BHMT2: variants seen among roughly 807,000 people sequenced by gnomAD.
BHMT2 encodes S-methylmethionine--homocysteine S-methyltransferase BHMT2.
In BHMT2, 28 loss-of-function variants were observed where a neutral mutation model predicts 39.0. That is an observed-to-expected ratio of 0.72 (90% CI 0.53 to 0.98). The LOEUF is 0.98. Ranked by LOEUF, BHMT2 falls within the 50% of genes least tolerant of loss-of-function variation. The pLI is 0.00. For synonymous variants in BHMT2, 145 were observed against 160.6 expected (o/e 0.90, Z 0.74); for missense variants, 410 against 455.6 (o/e 0.90, Z 0.91).
chr5:79,074,232 T>G (rs1755631034), intron 1 of BHMT2, among the ~76,000 whole-genome samples: 1 of 152,132 alleles, frequency 6.6e-6, no homozygotes, highest in Non-Finnish European at 1.5e-5. Flanking sequence ...TTAGTCAGAG[T>G]GGTTTGTACT....
In BHMT2 at chr5:79,074,248, A is replaced by C. The variant is rs114538339; in HGVS notation, c.34-3232A>C. On this transcript the variant is annotated intron_variant, in intron 1 of 7. Transcript: ENST00000255192. ...TAGTCAGAGTGGTTTGTACTTCTGC[A>C]GCTAAACTGAACATGGGGAGAAAGC... Among the ~76,000 whole-genome samples, 658 of 152,324 alleles carry C rather than the reference A, an allele frequency of 4.3e-3. 7 individuals carry two copies. Among genetic ancestry groups the C allele is most frequent in the African/African-American group, 0.015 (636 of 41,564 alleles).
At chr5:79,087,282 G>T (rs1755920080) in intron 7 of BHMT2, among the ~76,000 whole-genome samples, 1 of 151,764 alleles carries the variant, frequency 6.6e-6, no homozygotes, top group East Asian at 1.9e-4. Context: ...TTTCTTCTAG[G>T]AGATATGGAT....
In BHMT2 at chr5:79,073,055, C is replaced by T. The variant is rs1755610897; in HGVS notation, c.33+3240C>T. On this transcript the variant is annotated intron_variant, in intron 1 of 7. Transcript: ENST00000255192. Reference sequence around the variant, plus strand: ...CTCAACTCACTGTAACTTCCAACTCCCAGGTTCAAGCTATTCTCCTGCCTC... The same window carrying T: ...CTCAACTCACTGTAACTTCCAACTCTCAGGTTCAAGCTATTCTCCTGCCTC... Among the ~76,000 whole-genome samples the T allele has an allele frequency of 2.0e-5, 3 of 150,452 alleles. No homozygotes were observed. In the South Asian group the frequency reaches 6.3e-4, roughly 32 times the overall value.
At chr5:79,079,165 C>A (rs970117270) in intron 2 of BHMT2, among the ~76,000 whole-genome samples, 1 of 152,198 alleles carries the variant, frequency 6.6e-6, no homozygotes, top group Non-Finnish European at 1.5e-5. Context: ...ATCACCAGAA[C>A]AATACAAGGC....
chr5:79,088,726 A>G lies in BHMT2; in HGVS notation c.*152A>G, dbSNP rs1398003235. On this transcript the variant is annotated 3_prime_UTR_variant, in exon 8 of 8. Transcript: ENST00000255192. ...GCTGCAGCCCCTTCCCTTCCAGCCC[A>G]CAAGTGTGTGCATATTGAGCTCCTG... The G allele has an allele frequency of 1.6e-6, 1 of 607,408 alleles. No individual in the cohort carries two copies. The highest frequency in any genetic ancestry group is 3.0e-6 in the Non-Finnish European group (1 of 336,478). The allele number at this position is 607,408 out of a possible 1,614,324, so 37.6% of individuals were successfully genotyped here.
At chr5:79,074,975 G>A (rs1257261492) in intron 1 of BHMT2, among the ~76,000 whole-genome samples, 1 of 152,184 alleles carries the variant, frequency 6.6e-6, no homozygotes, top group East Asian at 1.9e-4. Flanking sequence ...TGCTGAGGAG[G>A]ACAGTACCCT....
rs148010024 is a variant in BHMT2 at position 79,084,515 on chromosome 5, G to A, written c.1010+659G>A. On this transcript the variant is annotated intron_variant, in intron 7 of 7. Transcript: ENST00000255192. ...TCTCGAACTCCTGACCTCGTAATCC[G>A]CCTGCCTTGGCCTCCCAAAGTTAGA... Among the ~76,000 whole-genome samples the A allele has an allele frequency of 8.5e-3, 1,288 of 152,042 alleles. 19 individuals carry two copies. Among genetic ancestry groups the A allele is most frequent in the African/African-American group, 0.029 (1,206 of 41,460 alleles).
intron 2 of BHMT2, among the ~76,000 whole-genome samples, chr5:79,078,833 G>A (rs1224755960): frequency 2.6e-5 from 4 of 152,230 alleles, no homozygotes; most frequent in Non-Finnish European, 5.9e-5. Flanking sequence ...AATAACAAGA[G>A]TAAGGATAAG....
In BHMT2 at chr5:79,083,023, G is replaced by C. The variant is rs1755819505; in HGVS notation, c.598+67G>C. 4 of 1,598,274 alleles carry C rather than the reference G, an allele frequency of 2.5e-6. No homozygotes were observed. The South Asian group carries it at 3.3e-5, about 13-fold the overall frequency. ...TTACGAAATTTAACAAAGTGTGCTT[G>C]ATATTGTGAGAGCAGTTTGGAAATA... On this transcript the variant is annotated intron_variant, in intron 5 of 7. Coordinates refer to ENST00000255192, the MANE Select transcript of BHMT2 (RefSeq NM_017614.5).
chr5:79,075,990 CA>C (rs1755663733), intron 1 of BHMT2, among the ~76,000 whole-genome samples: 1 of 152,144 alleles, frequency 6.6e-6, no homozygotes, highest in South Asian at 2.1e-4. Flanking sequence ...TTAATCAGCT[CA>C]ATTAGACCCT....
At chr5:79,088,362 G>GTGTA (rs1162566037) in intron 7 of BHMT2, 131 bp from the exon 8 acceptor site, 4 of 390,812 alleles carry the variant, frequency 1.0e-5, no homozygotes, top group Non-Finnish European at 1.8e-5. Flanking sequence ...TTTTGACTGT[G>GTGTA]TGTGTGTGTG....
At chr5:79,076,143 G>A (rs1447923659) in intron 1 of BHMT2, among the ~76,000 whole-genome samples, 2 of 152,202 alleles carry the variant, frequency 1.3e-5, no homozygotes, top group East Asian at 1.9e-4. Context: ...GATGGATGGG[G>A]AGCCAGAAGG....
At position 79,077,537 on chromosome 5, in the gene BHMT2, A is replaced by G; in HGVS notation, c.91A>G (p.Ile31Val). Residue 31 changes from isoleucine to valine, a missense_variant, in exon 2 of 8, where the codon ATT (isoleucine) becomes GTT (valine). Transcript: ENST00000255192. Reference sequence around the variant, plus strand: ...TGTGATTGGAGATGGCAGCTTTCTCATTACTCTGGAGAAGAGAGGCTATGT... The same window carrying G: ...TGTGATTGGAGATGGCAGCTTTCTCGTTACTCTGGAGAAGAGAGGCTATGT... ...EVVIGDGSFLITLEKRGYVKA... is the reference protein window; with the variant it reads ...EVVIGDGSFLVTLEKRGYVKA... The G allele has an allele frequency of 6.2e-7, 1 of 1,613,542 alleles. No homozygotes were observed. Among genetic ancestry groups the G allele is most frequent in the Non-Finnish European group, 8.5e-7 (1 of 1,179,720 alleles).
At chr5:79,069,900 C>T in intron 1 of BHMT2, 85 bp downstream of exon 1, 3 of 1,277,634 alleles carry the variant, frequency 2.3e-6, no homozygotes, top group Non-Finnish European at 3.0e-6. Flanking sequence ...CCATCCCTAG[C>T]CAAGCCCTGG....
chr5:79,073,821 T>C (rs1755624437), intron 1 of BHMT2, among the ~76,000 whole-genome samples: 1 of 152,142 alleles, frequency 6.6e-6, no homozygotes, highest in South Asian at 2.1e-4. Context: ...TGACCTGGTA[T>C]TTACCTCTAG....
At chr5:79,071,880 T>C (rs1406232128) in intron 1 of BHMT2, among the ~76,000 whole-genome samples, 1 of 149,900 alleles carries the variant, frequency 6.7e-6, no homozygotes, top group African/African-American at 2.5e-5. Flanking sequence ...AGTAATTAAT[T>C]GAGGTAGTTA....
Position 79,073,300 on chromosome 5 carries a change from G to A in BHMT2, c.33+3485G>A, listed in dbSNP as rs142964205. On this transcript the variant is annotated intron_variant, in intron 1 of 7. Transcript: ENST00000255192. Reference sequence around the variant, plus strand: ...CTTAACATGGTGAACCTAATGAAGTGTATGGGATTTTCAGGAAAACAGTTT... The same window carrying A: ...CTTAACATGGTGAACCTAATGAAGTATATGGGATTTTCAGGAAAACAGTTT... 6.1e-3 allele frequency among the ~76,000 whole-genome samples: 929 copies of A among 152,256 alleles called. 7 individuals carry two copies. The highest frequency in any genetic ancestry group is 0.021 in the African/African-American group (875 of 41,532).
chr5:79,082,207 G>C (rs1289991127), intron 4 of BHMT2, among the ~76,000 whole-genome samples: 1 of 152,312 alleles, frequency 6.6e-6, no homozygotes, highest in African/African-American at 2.4e-5. Context: ...TTCCTGGGAA[G>C]CACCCAAGAA....
chr5:79,071,822 T>TAAAAAA (rs60114073), intron 1 of BHMT2, among the ~76,000 whole-genome samples: 42 of 103,288 alleles, frequency 4.1e-4, no homozygotes, highest in Admixed American at 5.3e-4. Flanking sequence ...AACTTAAAAG[T>TAAAAAA]AAAAAAAAAA....
Sources: gnomAD v4.1 joint callset for allele counts (sites outside exome capture counted in the v4.1 genomes callset) on GRCh38, gnomAD v4.1.1 for gene constraint, MANE v1.5 for transcripts, NCBI Gene and HGNC (gene_info 2026-07-23, HGNC 2026-07-21) for gene names.